RBFOX1: variants seen among roughly 807,000 people sequenced by gnomAD.
RBFOX1 encodes the protein RNA binding protein fox-1 homolog 1.
In RBFOX1, 8 loss-of-function variants were observed where a neutral mutation model predicts 57.7. The ratio of observed to expected loss-of-function variants is 0.14; its 90% CI spans 0.08 to 0.25. The LOEUF is 0.25. Ranked by LOEUF, RBFOX1 falls within the 10% of genes least tolerant of loss-of-function variation. The pLI is 1.00. For missense variants in RBFOX1, 611 were observed against 548.5 expected (o/e 1.11, Z -1.14); for synonymous variants, 326 against 222.4 (o/e 1.47, Z -4.15).
chr16:7,540,892 G>A (rs561878963), intron 5 of RBFOX1, among the ~76,000 whole-genome samples: 2 of 152,266 alleles, frequency 1.3e-5, no homozygotes, highest in East Asian at 3.9e-4. Flanking sequence ...GCCAAGGCTG[G>A]ATTCATCCCA....
At chr16:7,183,741 A>G (rs572022232) in intron 4 of RBFOX1, among the ~76,000 whole-genome samples, 10 of 152,330 alleles carry the variant, frequency 6.6e-5, no homozygotes, top group Admixed American at 1.3e-4. Context: ...GCTTACTGTC[A>G]GAACAAAATT....
intron 4 of RBFOX1, among the ~76,000 whole-genome samples, chr16:7,389,372 C>T (rs921763652): frequency 2.6e-5 from 4 of 152,158 alleles, no homozygotes; most frequent in South Asian, 2.1e-4. Context: ...GTAGTCCTCC[C>T]ACCTCAGCCT....
At chr16:5,599,543 A>G in exon 3 of RBFOX1, 1 of 343,714 alleles carries the variant, frequency 2.9e-6, no homozygotes, top group Non-Finnish European at 5.2e-6. Context: ...TCGGCAATGC[A>G]ATCATGGTGT....
intron 4 of RBFOX1, among the ~76,000 whole-genome samples, chr16:7,188,163 G>C (rs1305437327): frequency 6.6e-6 from 1 of 152,172 alleles, no homozygotes; most frequent in East Asian, 1.9e-4. Flanking sequence ...TATCTAACTG[G>C]AAAGAAAACC....
chr16:7,378,588 G>A (rs1452274392), intron 4 of RBFOX1, among the ~76,000 whole-genome samples: 1 of 152,194 alleles, frequency 6.6e-6, no homozygotes, highest in South Asian at 2.1e-4. Context: ...GGGACATGGT[G>A]GTGGGAGAAG....
At chr16:5,429,982 G>A (rs893622952) in intron 1 of RBFOX1, among the ~76,000 whole-genome samples, 3 of 152,308 alleles carry the variant, frequency 2.0e-5, no homozygotes, top group East Asian at 1.9e-4. Flanking sequence ...ACTGAAGGAG[G>A]CAGAGAGGAG....
intron 3 of RBFOX1, among the ~76,000 whole-genome samples, chr16:6,662,842 A>C (rs1350784113): frequency 6.6e-6 from 1 of 152,188 alleles, no homozygotes; most frequent in Non-Finnish European, 1.5e-5. Flanking sequence ...CTTTCTGTTT[A>C]CTTCAACGAG....
chr16:6,400,182 C>G (rs929806203), intron 2 of RBFOX1, among the ~76,000 whole-genome samples: 6 of 152,176 alleles, frequency 3.9e-5, no homozygotes, highest in African/African-American at 1.2e-4. Context: ...TGAAATATCC[C>G]CTCAAAGTAG....
chr16:6,237,366 G>A lies in RBFOX1; in HGVS notation c.-126-79629G>A, dbSNP rs1328888599. Among the ~76,000 whole-genome samples the A allele has an allele frequency of 3.3e-5, 5 of 152,178 alleles. No individual in the cohort carries two copies. The East Asian group carries it at 7.7e-4, about 23-fold the overall frequency. Reference sequence around the variant, plus strand: ...GCAAGTTTCATCCTTATATGGCCAGGTCTGACCCTATAAAGGTGAAGGGCT... The same window carrying A: ...GCAAGTTTCATCCTTATATGGCCAGATCTGACCCTATAAAGGTGAAGGGCT... On this transcript the variant is annotated intron_variant, in intron 1 of 15. Transcript: ENST00000550418.
chr16:7,059,818 CT>C (rs113468951), intron 4 of RBFOX1, among the ~76,000 whole-genome samples: 3,365 of 152,190 alleles, frequency 0.022, 115 homozygotes, highest in African/African-American at 0.076. Flanking sequence ...CTTCTGCCAG[CT>C]GCACTTTTCA....
rs536039244 is a variant in RBFOX1, at chr16:6,125,062, C to G, written c.-127+105070C>G. 5.3e-5 allele frequency among the ~76,000 whole-genome samples: 8 copies of G among 152,160 alleles called. No homozygotes were observed. The South Asian group carries it at 1.7e-3, about 32-fold the overall frequency. Reference sequence around the variant, plus strand: ...AATGACATCACCTAGACAAGTGATCCCCTCCTCAGAGTTCCCCATCCTCCA... The same window carrying G: ...AATGACATCACCTAGACAAGTGATCGCCTCCTCAGAGTTCCCCATCCTCCA... On this transcript the variant is annotated intron_variant, in intron 1 of 15. Coordinates refer to ENST00000550418, the MANE Select transcript of RBFOX1 (RefSeq NM_018723.4).
intron 4 of RBFOX1, among the ~76,000 whole-genome samples, chr16:7,225,905 A>T (rs200654708): frequency 1.7e-4 from 16 of 93,562 alleles, no homozygotes; most frequent in South Asian, 3.2e-4. Flanking sequence ...AAGTATAATA[A>T]ATATATATAT....
At chr16:6,842,134 C>G (rs2093501635) in intron 3 of RBFOX1, among the ~76,000 whole-genome samples, 1 of 148,956 alleles carries the variant, frequency 6.7e-6, no homozygotes, top group Admixed American at 6.8e-5. Flanking sequence ...CAGAGCAAGA[C>G]TGTCTCAGAA....
At chr16:5,834,766 C>G (rs1336515551) in intron 3 of RBFOX1, among the ~76,000 whole-genome samples, 57 of 147,554 alleles carry the variant, frequency 3.9e-4, no homozygotes, top group African/African-American at 9.5e-4. Context: ...TACATACATA[C>G]ATGCACAGAT....
At chr16:7,320,673 G>C (rs969447880) in intron 4 of RBFOX1, among the ~76,000 whole-genome samples, 3 of 152,238 alleles carry the variant, frequency 2.0e-5, no homozygotes, top group Admixed American at 1.3e-4. Flanking sequence ...TCGGTAGTAA[G>C]TGAATCATCA....
intron 1 of RBFOX1, among the ~76,000 whole-genome samples, chr16:5,356,643 G>T (rs548509869): frequency 1.3e-5 from 2 of 152,204 alleles, no homozygotes; most frequent in African/African-American, 4.8e-5. Context: ...ATGAATGAGC[G>T]AACACCAAAT....
chr16:6,081,891 A>G (rs906701635), intron 1 of RBFOX1, among the ~76,000 whole-genome samples: 21 of 152,248 alleles, frequency 1.4e-4, no homozygotes, highest in Middle Eastern at 6.8e-3. Context: ...GTCCATTTGA[A>G]CAAACATCCT....
intron 3 of RBFOX1, among the ~76,000 whole-genome samples, chr16:6,952,657 AG>A (rs1261795384): frequency 6.6e-6 from 1 of 151,998 alleles, no homozygotes; most frequent in Non-Finnish European, 1.5e-5. Flanking sequence ...TCCAAAAAAA[AG>A]AAAAGAAAAA....
intron 4 of RBFOX1, among the ~76,000 whole-genome samples, chr16:5,886,594 A>C (rs1267819258): frequency 1.3e-5 from 2 of 152,196 alleles, no homozygotes; most frequent in Non-Finnish European, 2.9e-5. Flanking sequence ...TCATTATTCA[A>C]ATCGTCTCTT....
Sources: allele counts gnomAD v4.1 joint callset (sites outside exome capture counted in the v4.1 genomes callset), GRCh38; gene constraint gnomAD v4.1.1; transcripts MANE v1.5; gene names NCBI Gene and HGNC (gene_info 2026-07-23, HGNC 2026-07-21).